GNPAT: variants seen among roughly 807,000 people sequenced by gnomAD.
GNPAT encodes glyceronephosphate O-acyltransferase.
In GNPAT, 30 loss-of-function variants were observed where a neutral mutation model predicts 78.4. That is an observed-to-expected ratio of 0.38 (90% CI 0.29 to 0.52). The LOEUF (loss-of-function observed/expected upper bound fraction) is 0.52. Ranked by LOEUF, GNPAT falls within the 20% of genes least tolerant of loss-of-function variation. The pLI is 0.84. For synonymous variants in GNPAT, 271 were observed against 281.1 expected (o/e 0.96, Z 0.36); for missense variants, 714 against 812.2 (o/e 0.88, Z 1.47).
intron 2 of GNPAT, among the ~76,000 whole-genome samples, chr1:231,256,272 G>A (rs997142692): frequency 3.3e-5 from 5 of 151,908 alleles, no homozygotes; most frequent in African/African-American, 4.8e-5. Context: ...AATTCAAGAT[G>A]TATAAGTCAA....
At chr1:231,266,734 T>TA (rs1426254917) in intron 8 of GNPAT, among the ~76,000 whole-genome samples, 2 of 152,234 alleles carry the variant, frequency 1.3e-5, no homozygotes, top group East Asian at 3.8e-4. Context: ...GCACTATTGG[T>TA]AAGCTAGCCA....
At chr1:231,266,649 A>T (rs541126674) in intron 8 of GNPAT, among the ~76,000 whole-genome samples, 1 of 152,194 alleles carries the variant, frequency 6.6e-6, no homozygotes, top group Non-Finnish European at 1.5e-5. Context: ...TCAGACAATG[A>T]TCATGTTTCT....
chr1:231,257,139 T>C (rs1489014764), intron 2 of GNPAT, among the ~76,000 whole-genome samples: 1 of 152,214 alleles, frequency 6.6e-6, no homozygotes, highest in East Asian at 1.9e-4. Context: ...AGAAAGCATT[T>C]CCTTCAAGCA....
At chr1:231,256,728 C>T (rs1399282672) in intron 2 of GNPAT, among the ~76,000 whole-genome samples, 1 of 152,014 alleles carries the variant, frequency 6.6e-6, no homozygotes, top group Non-Finnish European at 1.5e-5. Context: ...CCTCGTGATC[C>T]GCCCGCCTCG....
At chr1:231,246,583 G>A (rs1199051831) in intron 1 of GNPAT, among the ~76,000 whole-genome samples, 1 of 152,194 alleles carries the variant, frequency 6.6e-6, no homozygotes, top group Non-Finnish European at 1.5e-5. Context: ...TTCCCCTAAG[G>A]CTTACTTGGG....
rs11558494 is a variant in GNPAT at position 231,260,614 on chromosome 1, C to G, written c.369C>G (p.Ala123=). Residue 123 remains alanine (A), a synonymous_variant, in exon 3 of 16, where the codon GCC becomes GCG. Coordinates refer to ENST00000366647, the MANE Select transcript of GNPAT (RefSeq NM_014236.4). ...GTCTTGGAGCCATTCGGTTTTGTGC[C>G]TTCACCCTGAGCAAAGTATTTAAAC... The part of the protein sequence containing the change: ...KLRLGAIRFC[A]FTLSKVFKQI... 6.2e-7 allele frequency: 1 copy of G among 1,613,176 alleles called. No individual in the cohort carries two copies. The highest frequency in any genetic ancestry group is 8.5e-7 in the Non-Finnish European group (1 of 1,179,470).
chr1:231,268,634 G>C (rs992315529), intron 9 of GNPAT, among the ~76,000 whole-genome samples: 3 of 150,246 alleles, frequency 2.0e-5, no homozygotes, highest in African/African-American at 7.4e-5. Flanking sequence ...AAGGCCGGGC[G>C]TGGTGGCTCA....
At chr1:231,273,800 T>A in intron 11 of GNPAT, 122 bp from the exon 12 acceptor site, 1 of 773,040 alleles carries the variant, frequency 1.3e-6, no homozygotes, top group Admixed American at 2.0e-5. Context: ...TCTGAGGGCA[T>A]GTGGCTGCAT....
intron 1 of GNPAT, among the ~76,000 whole-genome samples, chr1:231,247,291 T>G (rs971817838): frequency 6.6e-6 from 1 of 152,208 alleles, no homozygotes; most frequent in African/African-American, 2.4e-5. Context: ...CTGTAATTTA[T>G]TTTTTCATTC....
Position 231,266,375 on chromosome 1 carries a change from G to A in GNPAT, c.1023G>A (p.Arg341=), listed in dbSNP as rs1466229826. ...PVSLRSLAAG[R]MSRSSYNLVP... Reference sequence around the variant, plus strand: ...CACTTCGATCTTTGGCAGCTGGGAGGATGAGTCGGAGCTCATATAACTTGG... The same window carrying A: ...CACTTCGATCTTTGGCAGCTGGGAGAATGAGTCGGAGCTCATATAACTTGG... Residue 341 remains arginine, a synonymous_variant, in exon 8 of 16, where the codon AGG becomes AGA. Transcript: ENST00000366647. 1.2e-6 allele frequency: 2 copies of A among 1,613,980 alleles called. No individual in the cohort carries two copies. Among genetic ancestry groups the A allele is most frequent in the South Asian group, 2.2e-5 (2 of 91,078 alleles).
At chr1:231,273,062 T>C (rs1685611375) in intron 11 of GNPAT, among the ~76,000 whole-genome samples, 1 of 152,178 alleles carries the variant, frequency 6.6e-6, no homozygotes, top group Non-Finnish European at 1.5e-5. Context: ...AAGTGCCTTT[T>C]ACTTTGAGAG....
At chr1:231,263,837 T>C (rs537873402) in intron 4 of GNPAT, among the ~76,000 whole-genome samples, 85 of 152,290 alleles carry the variant, frequency 5.6e-4, no homozygotes, top group African/African-American at 1.9e-3. Context: ...ATTTCCCTAA[T>C]GATTAGTGAT....
In GNPAT at chr1:231,262,791, C is replaced by T. The variant is rs2102815410; in HGVS notation, c.507C>T (p.Leu169=). The T allele has an allele frequency of 6.2e-7, 1 of 1,606,000 alleles. No individual in the cohort carries two copies. Among genetic ancestry groups the T allele is most frequent in the Middle Eastern group, 1.7e-4 (1 of 6,052 alleles). Reference sequence around the variant, plus strand: ...GTCATCGAAGTTACATTGACTTCCTCATGTTGTCTTTTCTTCTATACAATT... The same window carrying T: ...GTCATCGAAGTTACATTGACTTCCTTATGTTGTCTTTTCTTCTATACAATT... ...LPSHRSYIDF[L]MLSFLLYNYD... The change falls in exon 4 of 16, where the codon CTC becomes CTT. Residue 169 remains leucine (L), a synonymous_variant. Coordinates refer to ENST00000366647, the MANE Select transcript of GNPAT (RefSeq NM_014236.4).
At chr1:231,244,044 G>T (rs895734920) in intron 1 of GNPAT, among the ~76,000 whole-genome samples, 5 of 152,106 alleles carry the variant, frequency 3.3e-5, no homozygotes, top group Admixed American at 6.5e-5. Flanking sequence ...AAGTAGCTGG[G>T]ATTACAGTTG....
chr1:231,266,192 TGAGA>T, intron 7 of GNPAT, 27 bp downstream of exon 7: 1 of 1,613,170 alleles, frequency 6.2e-7, no homozygotes, highest in Non-Finnish European at 8.5e-7. Context: ...TTAGCTTAAT[TGAGA>T]GAATGTGCTG....
intron 2 of GNPAT, among the ~76,000 whole-genome samples, chr1:231,256,067 G>A (rs988803304): frequency 6.6e-6 from 1 of 152,104 alleles, no homozygotes; most frequent in Non-Finnish European, 1.5e-5. Context: ...ATTCTACCCA[G>A]TCACTGGGCA....
At chr1:231,268,946 G>A (rs375006537) in intron 9 of GNPAT, among the ~76,000 whole-genome samples, 8 of 150,600 alleles carry the variant, frequency 5.3e-5, no homozygotes, top group Middle Eastern at 3.4e-3. Flanking sequence ...TTGGAAATGC[G>A]TTTTTTTTTA....
chr1:231,269,442 A>T (rs1044299774), intron 9 of GNPAT, among the ~76,000 whole-genome samples: 1 of 152,180 alleles, frequency 6.6e-6, no homozygotes, highest in African/African-American at 2.4e-5. Context: ...AGGTATAGAA[A>T]CAAGTTAGGA....
At chr1:231,266,496 G>A in intron 8 of GNPAT, 89 bp downstream of exon 8, 1 of 1,056,000 alleles carries the variant, frequency 9.5e-7, no homozygotes, top group South Asian at 1.3e-5. Context: ...CACTTCTCTT[G>A]ATTTACTTAA....
Sources: allele counts gnomAD v4.1 joint callset (sites outside exome capture counted in the v4.1 genomes callset), GRCh38; gene constraint gnomAD v4.1.1; transcripts MANE v1.5; gene names NCBI Gene and HGNC (gene_info 2026-07-23, HGNC 2026-07-21).